RC3H1: variants seen among roughly 807,000 people sequenced by gnomAD.
RC3H1 encodes ring finger and CCCH-type domains 1.
A neutral mutation model predicts 138.2 loss-of-function variants in RC3H1; 50 were observed. That is an observed-to-expected ratio of 0.36 (90% CI 0.29 to 0.46). The LOEUF is 0.46. RC3H1 is among the 20% of genes least tolerant of loss of function. The pLI is 1.00. For synonymous variants in RC3H1, 462 were observed against 489.1 expected (o/e 0.94, Z 0.73); for missense variants, 1,031 against 1,388.1 (o/e 0.74, Z 4.09).
intron 1 of RC3H1, among the ~76,000 whole-genome samples, chr1:174,001,108 G>C (rs1661558181): frequency 6.6e-6 from 1 of 152,142 alleles, no homozygotes; most frequent in Non-Finnish European, 1.5e-5. Context: ...AATAGAACTT[G>C]ATAAAGAAAG....
At chr1:173,970,673 AT>A in intron 8 of RC3H1, 56 bp from the exon 9 acceptor site, 1 of 1,113,200 alleles carries the variant, frequency 9.0e-7, no homozygotes, top group Non-Finnish European at 1.3e-6. Flanking sequence ...AAAAACATAA[AT>A]TTTGTGTTGT....
At chr1:174,013,708 C>T (rs1267580405) in intron 1 of RC3H1, among the ~76,000 whole-genome samples, 1 of 151,932 alleles carries the variant, frequency 6.6e-6, no homozygotes, top group East Asian at 1.9e-4. Flanking sequence ...GCTGGGATTA[C>T]AGGCGTGAGC....
At chr1:173,979,571 G>A (rs972242622) in intron 6 of RC3H1, among the ~76,000 whole-genome samples, 1 of 152,086 alleles carries the variant, frequency 6.6e-6, no homozygotes, top group South Asian at 2.1e-4. Context: ...CAGGAGAATC[G>A]CTTGAACCTG....
intron 1 of RC3H1, among the ~76,000 whole-genome samples, chr1:174,008,122 G>A (rs1173433715): frequency 6.6e-6 from 1 of 151,974 alleles, no homozygotes; most frequent in Non-Finnish European, 1.5e-5. Flanking sequence ...ATCATGTTCT[G>A]ACTAATTCTA....
intron 1 of RC3H1, among the ~76,000 whole-genome samples, chr1:173,994,650 C>T (rs557502620): frequency 2.6e-4 from 39 of 151,276 alleles, no homozygotes; most frequent in Non-Finnish European, 4.7e-4. Context: ...ATTAGCCAGG[C>T]GTGGTGGCAT....
intron 1 of RC3H1, among the ~76,000 whole-genome samples, chr1:174,000,793 T>C (rs183399459): frequency 6.6e-6 from 1 of 152,112 alleles, no homozygotes; most frequent in Admixed American, 6.6e-5. Flanking sequence ...AGAAGAAAAC[T>C]AATGAAGGCC....
In RC3H1 at chr1:173,946,521, T is replaced by C. The variant is rs1306267960; in HGVS notation, c.2916A>G (p.Gln972=). 2 of 1,614,198 alleles carry C rather than the reference T, an allele frequency of 1.2e-6. No individual in the cohort carries two copies. The highest frequency in any genetic ancestry group is 2.2e-5 in the East Asian group (1 of 44,886). ...TCTGCTGGCTAATCTGATGGTTCAATTGCTGCAATTCTAGTCGTAGCTGTT... is the reference window on the plus strand; with the variant it reads ...TCTGCTGGCTAATCTGATGGTTCAACTGCTGCAATTCTAGTCGTAGCTGTT... ...EREQLRLELQ[Q]LNHQISQQTQ... The change falls in exon 17 of 20, where the codon CAA becomes CAG. Residue 972 remains glutamine, a synonymous_variant. Coordinates refer to ENST00000367696, the MANE Select transcript of RC3H1 (RefSeq NM_172071.4).
chr1:173,968,911 T>C (rs1210382163), intron 9 of RC3H1, among the ~76,000 whole-genome samples: 3 of 142,770 alleles, frequency 2.1e-5, no homozygotes, highest in Non-Finnish European at 4.5e-5. Context: ...CAGGCTGGAG[T>C]GCTACGGTGC....
At chr1:173,970,425 C>T (rs947511479) in intron 9 of RC3H1, 80 bp downstream of exon 9, 9 of 868,142 alleles carry the variant, frequency 1.0e-5, no homozygotes, top group Admixed American at 5.5e-5. Context: ...GATAAAGCAG[C>T]TACTCTTTCT....
chr1:173,950,237 T>A (rs148838077), intron 14 of RC3H1, among the ~76,000 whole-genome samples: 79 of 151,952 alleles, frequency 5.2e-4, no homozygotes, highest in Middle Eastern at 3.4e-3. Flanking sequence ...AGTGTACAAT[T>A]TACATAAGGT....
chr1:173,963,031 CAG>C (rs991496866), intron 11 of RC3H1, among the ~76,000 whole-genome samples: 2 of 152,164 alleles, frequency 1.3e-5, no homozygotes, highest in Admixed American at 6.6e-5. Context: ...CTGCTTCTGA[CAG>C]AGAGATCCAA....
At chr1:173,981,579 T>C (rs559971819) in intron 5 of RC3H1, among the ~76,000 whole-genome samples, 1 of 152,308 alleles carries the variant, frequency 6.6e-6, no homozygotes, top group Admixed American at 6.5e-5. Context: ...AAACAATATG[T>C]TTCTTCTCCA....
intron 17 of RC3H1, 110 bp from the exon 18 acceptor site, chr1:173,943,725 T>A (rs1571166607): frequency 4.6e-6 from 5 of 1,086,704 alleles, no homozygotes; most frequent in Non-Finnish European, 6.3e-6. Flanking sequence ...ACCCAGCCAT[T>A]TGCAACAAAA....
At chr1:173,980,183 C>G (rs1042791772) in intron 6 of RC3H1, among the ~76,000 whole-genome samples, 1 of 148,990 alleles carries the variant, frequency 6.7e-6, no homozygotes, top group Non-Finnish European at 1.5e-5. Flanking sequence ...CACCCTACAC[C>G]AAGCATTTAA....
intron 10 of RC3H1, 52 bp downstream of exon 10, chr1:173,964,787 T>G: frequency 6.7e-7 from 1 of 1,482,740 alleles, no homozygotes; most frequent in South Asian, 1.2e-5. Flanking sequence ...TCTATCTTCC[T>G]TCGACTTTAT....
chr1:173,947,678 C>T, intron 14 of RC3H1, 96 bp from the exon 15 acceptor site: 3 of 838,312 alleles, frequency 3.6e-6, no homozygotes, highest in African/African-American at 1.7e-5. Flanking sequence ...AAGAGTACAG[C>T]ACTCTTACTG....
intron 9 of RC3H1, among the ~76,000 whole-genome samples, chr1:173,965,435 A>G (rs1039595879): frequency 1.3e-5 from 2 of 152,142 alleles, no homozygotes; most frequent in Admixed American, 6.5e-5. Flanking sequence ...TAATAAAAAT[A>G]CAAAAATTAG....
In RC3H1 at chr1:174,022,258, C is replaced by G. The variant is rs1661986374; in HGVS notation, c.-313G>C. 2.6e-6 allele frequency: 1 copy of G among 390,458 alleles called. No individual in the cohort carries two copies. Among genetic ancestry groups the G allele is most frequent in the South Asian group, 1.3e-4 (1 of 7,874 alleles). The allele number at this position is 390,458 out of a possible 1,614,324, so 24.2% of individuals were successfully genotyped here. ...CACCGCCAGCACCGCCTCCGGCCTC[C>G]CACCTGCTGCTGCTGAGGCTGCTCC... is the stretch of plus-strand genomic sequence containing the variant. On this transcript the variant is annotated 5_prime_UTR_variant, in exon 1 of 20. Coordinates refer to ENST00000367696, the MANE Select transcript of RC3H1 (RefSeq NM_172071.4). The surrounding 1 kb of genome is among the most constrained non-coding windows in gnomAD (Gnocchi z 4.2).
rs190675784 is a variant in RC3H1 at position 173,954,470 on chromosome 1, A to G, written c.2371-2332T>C. ...GAGCTTGGTTAACAGATACAAAATT[A>G]TAGCTACACAGGAGGAATTACTTCT... is the stretch of plus-strand genomic sequence containing the variant. On this transcript the variant is annotated intron_variant, in intron 13 of 19. Transcript: ENST00000367696. Among the ~76,000 whole-genome samples, 11 of 152,324 alleles carry G rather than the reference A, an allele frequency of 7.2e-5. No homozygotes were observed. The East Asian group carries it at 2.1e-3, about 29-fold the overall frequency.
Sources: allele counts gnomAD v4.1 joint callset (sites outside exome capture counted in the v4.1 genomes callset), GRCh38; gene constraint gnomAD v4.1.1; non-coding constraint Gnocchi (gnomAD v3.1); transcripts MANE v1.5; gene names NCBI Gene and HGNC (gene_info 2026-07-23, HGNC 2026-07-21).